Variants in ERC2 observed in about 807,000 individuals in gnomAD.
ERC2 encodes the protein ELKS/RAB6-interacting/CAST family member 2.
ERC2 carries 42 observed loss-of-function variants against 114.8 expected under a neutral mutation model. The observed-to-expected ratio is 0.37, with a 90% CI of 0.29 to 0.47. The LOEUF (loss-of-function observed/expected upper bound fraction) is 0.47, where lower values mean the gene tolerates loss of function less well. ERC2 is among the 20% of genes least tolerant of loss of function. The pLI, the probability that ERC2 is intolerant of heterozygous loss-of-function variation, is 0.99. For synonymous variants in ERC2, 454 were observed against 425.5 expected (o/e 1.07, Z -0.82); for missense variants, 939 against 1,150.7 (o/e 0.82, Z 2.66).
At chr3:56,300,345 G>A (rs2055786232) in intron 2 of ERC2, among the ~76,000 whole-genome samples, 1 of 150,608 alleles carries the variant, frequency 6.6e-6, no homozygotes. Flanking sequence ...ATGTGGACAA[G>A]TAAACCAATA....
intron 10 of ERC2, 130 bp downstream of exon 10, chr3:56,007,047 GTATT>G (rs1477180877): frequency 1.4e-6 from 1 of 730,312 alleles, no homozygotes; most frequent in Non-Finnish European, 2.1e-6. Flanking sequence ...AAAGTTAAGA[GTATT>G]TAATTAATTC....
At chr3:55,527,218 G>A (rs2053382279) in intron 17 of ERC2, among the ~76,000 whole-genome samples, 1 of 152,192 alleles carries the variant, frequency 6.6e-6, no homozygotes. Context: ...GCACTTTTCT[G>A]GGCCTCCACT....
chr3:55,828,361 G>A (rs1317188674), intron 14 of ERC2, among the ~76,000 whole-genome samples: 1 of 151,826 alleles, frequency 6.6e-6, no homozygotes, highest in Non-Finnish European at 1.5e-5. Context: ...ATAGACCTGG[G>A]GAAAGAGACC....
chr3:55,816,115 A>G (rs551365887), intron 14 of ERC2, among the ~76,000 whole-genome samples: 5 of 152,370 alleles, frequency 3.3e-5, no homozygotes, highest in Admixed American at 2.0e-4. Flanking sequence ...ATCTGATAAC[A>G]TAATTCCTCA....
chr3:55,647,774 C>T (rs2060455994), intron 17 of ERC2, among the ~76,000 whole-genome samples: 1 of 152,188 alleles, frequency 6.6e-6, no homozygotes, highest in Admixed American at 6.5e-5. Context: ...CTAGGCCCAT[C>T]TTTCTTCATG....
At chr3:55,945,646 A>C (rs977934712) in intron 13 of ERC2, among the ~76,000 whole-genome samples, 3 of 152,168 alleles carry the variant, frequency 2.0e-5, no homozygotes, top group African/African-American at 7.2e-5. Context: ...GTCCCCTTCG[A>C]AAAAAGATAT....
intron 14 of ERC2, among the ~76,000 whole-genome samples, chr3:55,812,864 T>G (rs1444562070): frequency 6.6e-6 from 1 of 152,254 alleles, no homozygotes; most frequent in Non-Finnish European, 1.5e-5. Context: ...TGCATGTGTG[T>G]GCATGTGCAC....
chr3:55,897,677 A>G (rs563022849), intron 13 of ERC2, among the ~76,000 whole-genome samples: 41 of 152,200 alleles, frequency 2.7e-4, no homozygotes, highest in African/African-American at 9.6e-4. Context: ...AGCAGCAGCA[A>G]CTCCTCCGAC....
chr3:55,847,310 G>A (rs1016721126), intron 14 of ERC2, among the ~76,000 whole-genome samples: 2 of 152,132 alleles, frequency 1.3e-5, no homozygotes, highest in Admixed American at 1.3e-4. Flanking sequence ...TGAGAGGGAG[G>A]GGAGCCTTCC....
At chr3:55,840,792 A>T (rs2149214908) in intron 14 of ERC2, among the ~76,000 whole-genome samples, 1 of 152,290 alleles carries the variant, frequency 6.6e-6, no homozygotes, top group South Asian at 2.1e-4. Flanking sequence ...CTAGTAGGCA[A>T]TAAAAAGGTA....
intron 2 of ERC2, among the ~76,000 whole-genome samples, chr3:56,314,101 A>AATCAGAGATCTT (rs2056751259): frequency 1.3e-4 from 20 of 152,182 alleles, no homozygotes; most frequent in Admixed American, 1.2e-3. Context: ...TTACTATCCC[A>AATCAGAGATCTT]AATTAAGATC....
chr3:55,800,534 C>T (rs1166479797), intron 14 of ERC2, among the ~76,000 whole-genome samples: 2 of 152,068 alleles, frequency 1.3e-5, no homozygotes, highest in Non-Finnish European at 2.9e-5. Context: ...CATGATAGCT[C>T]GTGTTTTAGA....
intron 14 of ERC2, among the ~76,000 whole-genome samples, chr3:55,811,678 T>C (rs1337812997): frequency 6.6e-6 from 1 of 152,082 alleles, no homozygotes; most frequent in African/African-American, 2.4e-5. Flanking sequence ...CTCTTTATCT[T>C]CCAGAAATCA....
At chr3:55,598,588 G>T (rs1300847885) in intron 17 of ERC2, among the ~76,000 whole-genome samples, 1 of 152,254 alleles carries the variant, frequency 6.6e-6, no homozygotes, top group African/African-American at 2.4e-5. Context: ...CTTTGCTCGA[G>T]AAACTGGTTT....
chr3:55,983,377 C>T (rs1370300545), intron 12 of ERC2, among the ~76,000 whole-genome samples: 2 of 152,108 alleles, frequency 1.3e-5, no homozygotes, highest in African/African-American at 4.8e-5. Context: ...TTCACGTAAA[C>T]CCTCCCCCGA....
chr3:56,385,603 A>G (rs2059908796), intron 2 of ERC2, among the ~76,000 whole-genome samples: 1 of 152,160 alleles, frequency 6.6e-6, no homozygotes, highest in Admixed American at 6.5e-5. Flanking sequence ...TCATTTATGT[A>G]ATATTGAAAT....
At chr3:56,252,664 G>A (rs1432862942) in intron 3 of ERC2, among the ~76,000 whole-genome samples, 1 of 148,354 alleles carries the variant, frequency 6.7e-6, no homozygotes, top group African/African-American at 2.5e-5. Context: ...GGCTGAGGCA[G>A]GAGAATTGCT....
At chr3:55,774,417 C>A (rs1260370841) in intron 14 of ERC2, among the ~76,000 whole-genome samples, 1 of 151,464 alleles carries the variant, frequency 6.6e-6, no homozygotes, top group Non-Finnish European at 1.5e-5. Context: ...CACTCAGGGA[C>A]CCCCCGACTT....
At chr3:56,264,335 G>A (rs372684490) in intron 3 of ERC2, among the ~76,000 whole-genome samples, 1 of 152,124 alleles carries the variant, frequency 6.6e-6, no homozygotes, top group Non-Finnish European at 1.5e-5. Flanking sequence ...GGTGGCTCAC[G>A]CCTGTAATCC....
Sources: allele counts gnomAD v4.1 joint callset (sites outside exome capture counted in the v4.1 genomes callset), GRCh38; gene constraint gnomAD v4.1.1; transcripts MANE v1.5; gene names NCBI Gene and HGNC (gene_info 2026-07-23, HGNC 2026-07-21).